The following SLC25A37 variants were observed in gnomAD, a reference collection of about 807,000 sequenced individuals.
SLC25A37 encodes the protein solute carrier family 25 member 37.
A neutral mutation model predicts 31.0 loss-of-function variants in SLC25A37; 17 were observed. The ratio of observed to expected loss-of-function variants is 0.55; its 90% confidence interval spans 0.38 to 0.82. SLC25A37 has a LOEUF of 0.82. Among genes scored for constraint, SLC25A37 ranks in the 40% least tolerant of loss-of-function variants. The probability of loss-of-function intolerance (pLI) is 0.00; values close to 1 mark genes in which losing one functional copy is unlikely to be tolerated. For missense variants in SLC25A37, 404 were observed against 465.8 expected, an observed-to-expected ratio of 0.87 and a Z score of 1.22; for synonymous variants, 222 against 193.0, an observed-to-expected ratio of 1.15 and a Z score of -1.24.
At chr8:23,534,580 C>T (rs936556170) in intron 1 of SLC25A37, among the ~76,000 whole-genome samples, 1 of 152,172 alleles carries the variant, frequency 6.6e-6, no homozygotes, top group African/African-American at 2.4e-5. Context: ...CTTTCACTTC[C>T]CCCTCCTGAT....
Position 23,573,836 on chromosome 8 carries a change from C to G in SLC25A37, c.*1981C>G, listed in dbSNP as rs1563272279. Reference sequence around the variant, plus strand: ...TCTCCCTGCTCTGCCCCCCACTCCCCAAAACCAGTTGCAGCCTCAACCCAC... The same window carrying G: ...TCTCCCTGCTCTGCCCCCCACTCCCGAAAACCAGTTGCAGCCTCAACCCAC... On this transcript the variant is annotated 3_prime_UTR_variant, in exon 4 of 4. Coordinates refer to ENST00000519973, the MANE Select transcript of SLC25A37 (RefSeq NM_016612.4). 2.2e-6 allele frequency: 1 copy of G among 456,742 alleles called. No individual in the cohort carries two copies. The highest frequency in any genetic ancestry group is 4.4e-6 in the Non-Finnish European group (1 of 226,978). The allele number at this position is 456,742 out of a possible 1,614,324, so 28.3% of individuals were successfully genotyped here.
At chr8:23,568,818 C>G (rs933601539) in intron 3 of SLC25A37, 2 of 196,798 alleles carry the variant, frequency 1.0e-5, no homozygotes, top group African/African-American at 4.7e-5. Context: ...GTGTGTGCAC[C>G]TGTAATCCCA....
At chr8:23,566,516 A>G (rs943840234) in intron 2 of SLC25A37, 180 bp downstream of exon 2, 25 of 1,360,618 alleles carry the variant, frequency 1.8e-5, no homozygotes, top group African/African-American at 1.1e-4. Context: ...ACGCGCGCGC[A>G]CACACATGCT....
Position 23,574,207 on chromosome 8 carries a change from T to C in SLC25A37, c.*2352T>C. 1 of 233,858 alleles carries C rather than the reference T, an allele frequency of 4.3e-6. No homozygotes were observed. Among genetic ancestry groups the C allele is most frequent in the Non-Finnish European group, 8.8e-6 (1 of 113,218 alleles). 14.5% of individuals were successfully genotyped at this position (233,858 alleles called of 1,614,324 possible). A position where few individuals can be genotyped will look rare whatever the true frequency, so the allele number is the denominator to read the frequency against. On this transcript the variant is annotated 3_prime_UTR_variant, in exon 4 of 4. Transcript: ENST00000519973. ...GGTGGCGTGTGGTGGCTCATGCCTG[T>C]AATCCCAGCACTTTGGGGAGGCCGA...
chr8:23,568,696 T>A, intron 3 of SLC25A37: 1 of 340,606 alleles, frequency 2.9e-6, no homozygotes, highest in Non-Finnish European at 5.6e-6. Context: ...ATCCCAGCAT[T>A]TTTTGGGAGG....
Position 23,529,263 on chromosome 8 carries a change from G to C in SLC25A37, c.210+51G>C. ...CGCAACGAGCGGAGAAGGAGCGCGC[G>C]CGCGCATTTGCATCCCGCGCGCCGG... On this transcript the variant is annotated intron_variant, in intron 1 of 3. Transcript: ENST00000519973. This position sits in a 1 kb window ranked among gnomAD's most constrained non-coding sequence, Gnocchi z 4.1. 3 of 1,535,092 alleles carry C rather than the reference G, an allele frequency of 2.0e-6. No homozygotes were observed. The highest frequency in any genetic ancestry group is 2.6e-6 in the Non-Finnish European group (3 of 1,136,768).
At position 23,555,935 on chromosome 8, in the gene SLC25A37, C is replaced by T. The variant is rs561594539; in HGVS notation, c.211-10173C>T. Among the ~76,000 whole-genome samples, 250 of 152,324 alleles carry T rather than the reference C, an allele frequency of 1.6e-3. 1 individual carries two copies. The highest frequency in any genetic ancestry group is 5.8e-3 in the African/African-American group (241 of 41,570). ...AGACCTGATTTAGTTGAAGTGTTTT[C>T]CACCAGGTCTCAACTCTTCATTTTG... On this transcript the variant is annotated intron_variant, in intron 1 of 3. Coordinates refer to ENST00000519973, the MANE Select transcript of SLC25A37 (RefSeq NM_016612.4).
In SLC25A37 at chr8:23,552,076, A is replaced by G. The variant is rs530552604; in HGVS notation, c.211-14032A>G. On this transcript the variant is annotated intron_variant, in intron 1 of 3. Transcript: ENST00000519973. ...CCTGCAATACTGTTCTTTGGGCCAT[A>G]CAGGCCATTTATCAGCAAGTAGAGA... Among the ~76,000 whole-genome samples the G allele has an allele frequency of 1.3e-3, 198 of 152,314 alleles. 1 individual carries two copies. Among genetic ancestry groups the G allele is most frequent in the African/African-American group, 4.5e-3 (188 of 41,568 alleles).
At chr8:23,545,704 C>T (rs1195365179) in intron 1 of SLC25A37, among the ~76,000 whole-genome samples, 1 of 152,114 alleles carries the variant, frequency 6.6e-6, no homozygotes, top group East Asian at 1.9e-4. Context: ...TAGAAAATGC[C>T]CTGTGGAAAT....
chr8:23,546,553 A>ATATATAG (rs377556225), intron 1 of SLC25A37, among the ~76,000 whole-genome samples: 12 of 17,090 alleles, frequency 7.0e-4, no homozygotes, highest in East Asian at 3.4e-3. Context: ...ATATATATAT[A>ATATATAG]GTGTATATAT....
At chr8:23,548,098 C>G (rs1167525760) in intron 1 of SLC25A37, among the ~76,000 whole-genome samples, 1 of 152,214 alleles carries the variant, frequency 6.6e-6, no homozygotes, top group Non-Finnish European at 1.5e-5. Context: ...GCAGCATCTC[C>G]CTGCCATGGT....
chr8:23,536,550 G>A (rs1433431159), intron 1 of SLC25A37, among the ~76,000 whole-genome samples: 1 of 152,092 alleles, frequency 6.6e-6, no homozygotes, highest in African/African-American at 2.4e-5. Flanking sequence ...ATTTTCCCCA[G>A]CACACATGCC....
At chr8:23,543,920 GC>G (rs1226706567) in intron 1 of SLC25A37, among the ~76,000 whole-genome samples, 3 of 151,976 alleles carry the variant, frequency 2.0e-5, no homozygotes, top group South Asian at 4.1e-4. Flanking sequence ...GAATGCAGTG[GC>G]AGAATCTCGG....
intron 3 of SLC25A37, among the ~76,000 whole-genome samples, chr8:23,570,821 C>T (rs972543130): frequency 3.3e-5 from 5 of 152,216 alleles, no homozygotes; most frequent in Non-Finnish European, 7.3e-5. Flanking sequence ...AGACATAATT[C>T]TAGTGTCTGT....
At position 23,571,932 on chromosome 8, in the gene SLC25A37, A is replaced by G; in HGVS notation, c.*77A>G. ...CCCCTTGCCCTCTCCTCACACGTAG[A>G]TCATTTTTTTTTTGCAGGGTGCTGC... On this transcript the variant is annotated 3_prime_UTR_variant, in exon 4 of 4. Transcript: ENST00000519973. The G allele has an allele frequency of 6.9e-7, 1 of 1,457,066 alleles. No homozygotes were observed. The highest frequency in any genetic ancestry group is 9.2e-7 in the Non-Finnish European group (1 of 1,088,310). The allele number at this position is 1,457,066 out of a possible 1,614,324, so 90.3% of individuals were successfully genotyped here.
At chr8:23,570,670 A>C (rs575991490) in intron 3 of SLC25A37, among the ~76,000 whole-genome samples, 1 of 152,118 alleles carries the variant, frequency 6.6e-6, no homozygotes, top group Non-Finnish European at 1.5e-5. Flanking sequence ...TACAGTCTTT[A>C]TTTGTTTAAA....
intron 1 of SLC25A37, chr8:23,541,843 A>T (rs1801902364): frequency 6.6e-6 from 1 of 152,334 alleles, no homozygotes. Context: ...TTCAAAGGCA[A>T]GAAGATGCTG....
intron 1 of SLC25A37, among the ~76,000 whole-genome samples, chr8:23,540,834 G>A (rs987709948): frequency 6.6e-6 from 1 of 152,136 alleles, no homozygotes; most frequent in Non-Finnish European, 1.5e-5. Context: ...TGGCAGGTCC[G>A]CTTACGCATG....
intron 1 of SLC25A37, among the ~76,000 whole-genome samples, chr8:23,534,836 T>G (rs1482615342): frequency 6.6e-6 from 1 of 152,202 alleles, no homozygotes; most frequent in Non-Finnish European, 1.5e-5. Context: ...CTCTCTGATG[T>G]CTGCTCTCAT....
Sources: gnomAD v4.1 joint callset for allele counts (sites outside exome capture counted in the v4.1 genomes callset) on GRCh38, gnomAD v4.1.1 for gene constraint, Gnocchi (gnomAD v3.1) non-coding constraint, MANE v1.5 for transcripts, NCBI Gene and HGNC (gene_info 2026-07-23, HGNC 2026-07-21) for gene names.